Variants in PDE4D observed in about 807,000 individuals in gnomAD.
PDE4D encodes 3',5'-cyclic-AMP phosphodiesterase 4D.
PDE4D carries 24 observed loss-of-function variants against 87.4 expected under a neutral mutation model. The ratio of observed to expected loss-of-function variants is 0.27; its 90% CI spans 0.20 to 0.39. The LOEUF (loss-of-function observed/expected upper bound fraction) is 0.39. Among genes scored for constraint, PDE4D ranks in the 10% least tolerant of loss-of-function variants. The probability of loss-of-function intolerance (pLI) is 1.00; values close to 1 mark genes in which losing one functional copy is unlikely to be tolerated. For synonymous variants in PDE4D, 384 were observed against 383.2 expected, an observed-to-expected ratio of 1.00 and a Z score of -0.02; for missense variants, 714 against 1,041.0, an observed-to-expected ratio of 0.69 and a Z score of 4.32.
chr5:60,181,040 C>G (rs539494403), intron 2 of PDE4D, among the ~76,000 whole-genome samples: 1 of 135,970 alleles, frequency 7.4e-6, no homozygotes, highest in South Asian at 2.4e-4. Context: ...AAAAAATACT[C>G]TATCTTACAG....
At chr5:60,002,119 A>T (rs533148571) in intron 2 of PDE4D, among the ~76,000 whole-genome samples, 159 of 152,002 alleles carry the variant, frequency 1.0e-3, no homozygotes, top group African/African-American at 3.2e-3. Flanking sequence ...TGAATGAATT[A>T]AAAAAAATCC....
rs558010998 is a variant in PDE4D at position 60,197,317 on chromosome 5, A to C, written c.-89-11630T>G. On this transcript the variant is annotated intron_variant, in intron 1 of 16. Transcript: ENST00000502484. ...ATACCTTCAGAAGTTCCTTTTTAAA[A>C]TCAACATACCCTTTGGTTCTTTAGT... Among the ~76,000 whole-genome samples the C allele has an allele frequency of 3.0e-4, 45 of 151,680 alleles. 1 individual carries two copies. The highest frequency in any genetic ancestry group is 5.8e-4 in the Non-Finnish European group (39 of 67,732).
At chr5:60,508,762 A>G (rs995237731) in intron 1 of PDE4D, among the ~76,000 whole-genome samples, 5 of 152,162 alleles carry the variant, frequency 3.3e-5, no homozygotes, top group Non-Finnish European at 5.9e-5. Flanking sequence ...CTATTTAAAG[A>G]TAGCTTATTT....
chr5:59,561,125 G>A (rs146084270), intron 1 of PDE4D, among the ~76,000 whole-genome samples: 29 of 152,160 alleles, frequency 1.9e-4, no homozygotes, highest in Middle Eastern at 3.4e-3. Context: ...TCCACTTTTC[G>A]GGGTGGAAGC....
In PDE4D at chr5:59,844,163, T is replaced by A. The variant is rs528873468; in HGVS notation, c.455+49005A>T. On this transcript the variant is annotated intron_variant, in intron 1 of 14. Transcript: ENST00000340635. ...GATTCCTTCAAAGAGACTGCTCAAA[T>A]TCATTTGTTTTTGCAAGTACCATGA... Among the ~76,000 whole-genome samples the A allele has an allele frequency of 2.0e-5, 3 of 152,220 alleles. No individual in the cohort carries two copies. The South Asian group carries it at 6.2e-4, about 32-fold the overall frequency.
intron 1 of PDE4D, among the ~76,000 whole-genome samples, chr5:59,578,073 C>T (rs1352236506): frequency 6.6e-6 from 1 of 152,198 alleles, no homozygotes; most frequent in East Asian, 1.9e-4. Context: ...GGATTTGTGA[C>T]ATTCTAACAT....
At chr5:60,113,829 A>C (rs143116578) in intron 2 of PDE4D, among the ~76,000 whole-genome samples, 1 of 152,072 alleles carries the variant, frequency 6.6e-6, no homozygotes, top group Non-Finnish European at 1.5e-5. Flanking sequence ...GAACAAAAAA[A>C]ATTTCTCCCT....
chr5:59,266,304 T>C lies in PDE4D; in HGVS notation c.456-50336A>G, dbSNP rs550044794. On this transcript the variant is annotated intron_variant, in intron 1 of 14. Transcript: ENST00000340635. ...ATATATATATATTCTTCAACAAATC[T>C]TTTTACCACTTAAGCATTGACATTG... 8.3e-4 allele frequency among the ~76,000 whole-genome samples: 126 copies of C among 151,962 alleles called. 2 individuals carry two copies. Among genetic ancestry groups the C allele is most frequent in the Admixed American group, 8.3e-3 (126 of 15,200 alleles).
intron 1 of PDE4D, among the ~76,000 whole-genome samples, chr5:59,872,462 T>C (rs79521116): frequency 5.3e-5 from 8 of 152,352 alleles, no homozygotes; most frequent in African/African-American, 1.7e-4. Context: ...TCCAACTTTT[T>C]ATTGTGGTAA....
At chr5:60,250,024 G>A (rs1417930426) in intron 1 of PDE4D, among the ~76,000 whole-genome samples, 2 of 151,896 alleles carry the variant, frequency 1.3e-5, no homozygotes, top group Admixed American at 6.6e-5. Flanking sequence ...CTGCCAAAAT[G>A]TCAAGGTTTC....
At chr5:59,110,105 T>C (rs1489530161) in intron 5 of PDE4D, among the ~76,000 whole-genome samples, 1 of 152,242 alleles carries the variant, frequency 6.6e-6, no homozygotes, top group African/African-American at 2.4e-5. Context: ...TGTTATGTAC[T>C]ATTTAGCATT....
At chr5:59,577,122 T>G (rs541413668) in intron 1 of PDE4D, among the ~76,000 whole-genome samples, 1 of 152,056 alleles carries the variant, frequency 6.6e-6, no homozygotes, top group South Asian at 2.1e-4. Context: ...AAATGGAGGA[T>G]ATATGAAAAA....
intron 1 of PDE4D, among the ~76,000 whole-genome samples, chr5:59,353,347 G>A (rs1176459935): frequency 7.9e-6 from 1 of 125,836 alleles, no homozygotes; most frequent in African/African-American, 3.2e-5. Flanking sequence ...TTACTTCCCA[G>A]ATCGTTTTTC....
intron 1 of PDE4D, among the ~76,000 whole-genome samples, chr5:59,470,048 A>G (rs879389486): frequency 6.6e-5 from 10 of 152,054 alleles, no homozygotes; most frequent in Non-Finnish European, 2.9e-5. Flanking sequence ...TGGAATTTCC[A>G]TTTTTAATAA....
intron 2 of PDE4D, among the ~76,000 whole-genome samples, chr5:60,160,126 ATATC>A (rs143129026): frequency 0.011 from 1,664 of 152,260 alleles, 40 homozygotes; most frequent in African/African-American, 0.038. Flanking sequence ...TGAATGGTAA[ATATC>A]TATTTTCACT....
Position 60,476,511 on chromosome 5 carries a change from C to A in PDE4D, c.-90+11431G>T, listed in dbSNP as rs559329966. The stretch of plus-strand genomic sequence containing the variant: ...CAGCAGCCAGAATCAGACCATGTCT[C>A]TCCCCTGCCCCAAATCCACCAATGG... On this transcript the variant is annotated intron_variant, in intron 1 of 16. Transcript: ENST00000502484. 2.0e-5 allele frequency among the ~76,000 whole-genome samples: 3 copies of A among 152,316 alleles called. No homozygotes were observed. The South Asian group carries it at 6.2e-4, about 32-fold the overall frequency.
intron 1 of PDE4D, among the ~76,000 whole-genome samples, chr5:59,394,864 G>C (rs886617434): frequency 1.3e-5 from 2 of 152,102 alleles, no homozygotes; most frequent in African/African-American, 4.8e-5. Context: ...GCGCAGGTCA[G>C]TGGGTGCGCG....
At chr5:59,884,071 TAAGAG>T (rs1306505127) in intron 1 of PDE4D, among the ~76,000 whole-genome samples, 3 of 152,090 alleles carry the variant, frequency 2.0e-5, no homozygotes, top group Admixed American at 6.5e-5. Flanking sequence ...GGAAATTGAG[TAAGAG>T]AAGAGAACAT....
intron 1 of PDE4D, among the ~76,000 whole-genome samples, chr5:60,451,144 G>A (rs1418475256): frequency 6.6e-6 from 1 of 152,008 alleles, no homozygotes; most frequent in Non-Finnish European, 1.5e-5. Context: ...TATGGTAGAC[G>A]GAAGCCCAGT....
Sources: gnomAD v4.1 joint callset for allele counts (sites outside exome capture counted in the v4.1 genomes callset) on GRCh38, gnomAD v4.1.1 for gene constraint, MANE v1.5 for transcripts, NCBI Gene and HGNC (gene_info 2026-07-23, HGNC 2026-07-21) for gene names.